CDKL3: variants seen among roughly 807,000 people sequenced by gnomAD.
CDKL3 encodes cyclin dependent kinase like 3.
A neutral mutation model predicts 69.3 loss-of-function variants in CDKL3; 65 were observed. The observed-to-expected ratio is 0.94, with a 90% CI of 0.77 to 1.15. The LOEUF is 1.15. Among genes scored for constraint, CDKL3 ranks in the 50% most tolerant of loss-of-function variants. The probability of loss-of-function intolerance (pLI) is 0.00; values close to 1 mark genes in which losing one functional copy is unlikely to be tolerated. For synonymous variants in CDKL3, 202 were observed against 221.6 expected (o/e 0.91, Z 0.79); for missense variants, 652 against 689.2 (o/e 0.95, Z 0.61).
downstream of CDKL3, among the ~76,000 whole-genome samples, chr5:134,283,901 C>T (rs926192915): frequency 3.9e-5 from 6 of 152,086 alleles, no homozygotes; most frequent in African/African-American, 7.2e-5. Context: ...GAGACATTGG[C>T]GAAAACAAAG....
intron 4 of CDKL3, among the ~76,000 whole-genome samples, chr5:134,332,971 G>A (rs192187559): frequency 1.3e-5 from 2 of 152,234 alleles, no homozygotes; most frequent in Non-Finnish European, 1.5e-5. Context: ...TTATTTCCTT[G>A]AGCAGTGGTT....
Position 134,312,364 on chromosome 5 carries a change from T to A in CDKL3, c.809A>T (p.Asp270Val), listed in dbSNP as rs2149457247. 1 of 1,593,142 alleles carries A rather than the reference T, an allele frequency of 6.3e-7. No individual in the cohort carries two copies. The highest frequency in any genetic ancestry group is 2.3e-5 in the East Asian group (1 of 44,046). ...ACTAGATGATATCCTGTCAGCAGGA[T>A]CAATTTGTAAACAAGCCTAGGAAAG... is the stretch of plus-strand genomic sequence containing the variant. ...ADIVHACLQI[D>V]PADRISSSDL... is the part of the protein sequence containing the mutation. The change falls in exon 7 of 13, where the codon GAT (aspartate) becomes GTT (valine). Residue 270 changes from aspartate (D) to valine (V), a missense_variant. Physicochemically the swap from Asp to Val is radical, Grantham distance 152. Coordinates refer to ENST00000265334, the MANE Select transcript of CDKL3 (RefSeq NM_001113575.2).
At chr5:134,285,253 G>C (rs1444522621), downstream of CDKL3, among the ~76,000 whole-genome samples, 1 of 152,180 alleles carries the variant, frequency 6.6e-6, no homozygotes. Context: ...TTTCCCTTTT[G>C]CACTACCCCA....
downstream of CDKL3, among the ~76,000 whole-genome samples, chr5:134,283,345 T>C (rs938830942): frequency 3.3e-5 from 5 of 152,116 alleles, no homozygotes; most frequent in Admixed American, 6.6e-5. Flanking sequence ...GACTGGACAA[T>C]TTACAAAAGA....
intron 4 of CDKL3, among the ~76,000 whole-genome samples, chr5:134,332,576 T>C (rs537420393): frequency 1.9e-4 from 29 of 152,308 alleles, no homozygotes; most frequent in Non-Finnish European, 3.2e-4. Flanking sequence ...CTTGTTTTTG[T>C]CAGGTTTGTC....
At chr5:134,313,991 C>T (rs1242110926) in intron 6 of CDKL3, among the ~76,000 whole-genome samples, 1 of 151,330 alleles carries the variant, frequency 6.6e-6, no homozygotes, top group Non-Finnish European at 1.5e-5. Flanking sequence ...AAAAATAATA[C>T]AAAATTAGCC....
chr5:134,334,271 AT>A (rs1241271969), intron 4 of CDKL3, among the ~76,000 whole-genome samples: 12 of 151,802 alleles, frequency 7.9e-5, no homozygotes, highest in Admixed American at 4.6e-4. Context: ...GGAATCATTG[AT>A]TTTTTTTGAA....
chr5:134,371,258 T>C (rs1758372036), upstream of CDKL3: 4 of 396,982 alleles, frequency 1.0e-5, no homozygotes, highest in East Asian at 1.7e-4. Context: ...TCGTGGTCTT[T>C]GAATCCACAA....
intron 4 of CDKL3, among the ~76,000 whole-genome samples, chr5:134,346,621 C>T (rs747210451): frequency 1.4e-4 from 21 of 152,040 alleles, no homozygotes; most frequent in Non-Finnish European, 2.5e-4. Flanking sequence ...CTCAGTCTCT[C>T]GAGTAGCTGG....
chr5:134,347,957 T>C (rs1159498205), intron 4 of CDKL3, among the ~76,000 whole-genome samples: 1 of 152,196 alleles, frequency 6.6e-6, no homozygotes, highest in Admixed American at 6.6e-5. Flanking sequence ...GTTATGGTTG[T>C]ACAACTCTGT....
chr5:134,299,408 T>C (rs1765776144), intron 12 of CDKL3: 2 of 818,786 alleles, frequency 2.4e-6, no homozygotes, highest in South Asian at 3.6e-5. Context: ...ATTGAAATAA[T>C]AGGTGATCAA....
chr5:134,300,512 T>G (rs1766054218), intron 12 of CDKL3, among the ~76,000 whole-genome samples: 2 of 152,188 alleles, frequency 1.3e-5, no homozygotes, highest in Non-Finnish European at 2.9e-5. Flanking sequence ...TAAAATAAAC[T>G]ACAGGCTCAA....
intron 9 of CDKL3, 155 bp downstream of exon 9, chr5:134,307,983 T>A: frequency 5.0e-6 from 6 of 1,193,076 alleles, no homozygotes; most frequent in Non-Finnish European, 6.6e-6. Flanking sequence ...ACAGCATCCA[T>A]AAGAAACACT....
At chr5:134,326,912 T>G (rs866732652) in intron 4 of CDKL3, among the ~76,000 whole-genome samples, 7 of 145,312 alleles carry the variant, frequency 4.8e-5, no homozygotes, top group Non-Finnish European at 9.0e-5. Flanking sequence ...AAGCATAAAA[T>G]GAAGATTTAT....
At chr5:134,304,993 A>C (rs1767402692) in intron 10 of CDKL3, among the ~76,000 whole-genome samples, 1 of 151,660 alleles carries the variant, frequency 6.6e-6, no homozygotes, top group Non-Finnish European at 1.5e-5. Context: ...TTTTTCGTAG[A>C]GATGGGGTCT....
upstream of CDKL3, chr5:134,371,472 C>CACG: frequency 1.7e-6 from 2 of 1,165,564 alleles, no homozygotes; most frequent in South Asian, 1.4e-5. Flanking sequence ...GTTTGTCAGT[C>CACG]TCGGCGGCGG....
At chr5:134,370,598 T>C (rs993289855), upstream of CDKL3, among the ~76,000 whole-genome samples, 4 of 152,196 alleles carry the variant, frequency 2.6e-5, no homozygotes, top group Non-Finnish European at 4.4e-5. Context: ...CTGACACATA[T>C]CTTCAATTGA....
At chr5:134,339,044 T>C (rs545306539) in intron 4 of CDKL3, among the ~76,000 whole-genome samples, 17 of 151,710 alleles carry the variant, frequency 1.1e-4, no homozygotes, top group African/African-American at 3.6e-4. Flanking sequence ...ATCCCAGCTA[T>C]TCAGGAGGGT....
chr5:134,371,522 C>T (rs1416437611), upstream of CDKL3: 4 of 1,560,754 alleles, frequency 2.6e-6, no homozygotes, highest in Non-Finnish European at 3.5e-6. Context: ...AGTGATTCGG[C>T]CGCCGCGCCG....
Sources: gnomAD v4.1 joint callset for allele counts (sites outside exome capture counted in the v4.1 genomes callset) on GRCh38, gnomAD v4.1.1 for gene constraint, MANE v1.5 for transcripts, NCBI Gene and HGNC (gene_info 2026-07-23, HGNC 2026-07-21) for gene names.